PLIN5: variants seen among roughly 807,000 people sequenced by gnomAD.
PLIN5 encodes the protein perilipin-5.
Under a neutral mutation model 32.8 loss-of-function variants are expected in PLIN5, and 34 were observed. That is an observed-to-expected ratio of 1.04 (90% CI 0.79 to 1.38). PLIN5 has a LOEUF of 1.38. Among genes scored for constraint, PLIN5 ranks in the 40% most tolerant of loss-of-function variants. The pLI is 0.00. For synonymous variants in PLIN5, 309 were observed against 292.9 expected, an observed-to-expected ratio of 1.05 and a Z score of -0.56; for missense variants, 712 against 660.5, an observed-to-expected ratio of 1.08 and a Z score of -0.85.
At chr19:4,529,538 T>G (rs987106082) in intron 4 of PLIN5, 4 of 455,504 alleles carry the variant, frequency 8.8e-6, no homozygotes, top group South Asian at 3.4e-5. Flanking sequence ...ACATATATAC[T>G]TATACGTATA....
At chr19:4,530,216 T>C (rs980301605) in intron 3 of PLIN5, among the ~76,000 whole-genome samples, 3 of 152,104 alleles carry the variant, frequency 2.0e-5, no homozygotes, top group Non-Finnish European at 4.4e-5. Flanking sequence ...AGGGTGTGGG[T>C]AGGCCGCTGG....
chr19:4,533,999 G>A lies in PLIN5; in HGVS notation c.60+16C>T, dbSNP rs546459466. ...AATACCTTCTGTCCCTGCTCCATGG[G>A]AGGGGCAGCCCTCACCTGCTGGTCC... On this transcript the variant is annotated intron_variant, in intron 2 of 7. Transcript: ENST00000381848. 5.3e-5 allele frequency: 86 copies of A among 1,610,788 alleles called. 1 individual carries two copies. The South Asian group carries it at 9.4e-4, about 18-fold the overall frequency.
In PLIN5 at chr19:4,523,872, G is replaced by T; in HGVS notation, c.1048C>A (p.Arg350Ser). ...PAAALAEGRG[R>S]VAHAHACVDE... ...ACGCAGGCGTGCGCGTGGGCCACGC[G>T]ACCCCGGCCCTCGGCCAGCGCGGCC... The change falls in exon 8 of 8, where the codon CGC (arginine) becomes AGC (serine). Residue 350 changes from arginine to serine, a missense_variant. By Grantham distance (110) the Arg-to-Ser change is moderately radical. Transcript: ENST00000381848. The surrounding 1 kb of genome is among the most constrained non-coding windows in gnomAD (Gnocchi z 5.0). 1 of 1,524,178 alleles carries T rather than the reference G, an allele frequency of 6.6e-7. No individual in the cohort carries two copies. Among genetic ancestry groups the T allele is most frequent in the South Asian group, 1.2e-5 (1 of 80,598 alleles). 94.4% of individuals were successfully genotyped at this position (1,524,178 alleles called of 1,614,324 possible). A position where few individuals can be genotyped will look rare whatever the true frequency, so the allele number is the denominator to read the frequency against.
rs1976847195 is a variant in PLIN5 at position 4,529,221 on chromosome 19, G to A, written c.372C>T (p.Ser124=). The A allele has an allele frequency of 6.2e-7, 1 of 1,610,900 alleles. No homozygotes were observed. Among genetic ancestry groups the A allele is most frequent in the Non-Finnish European group, 8.5e-7 (1 of 1,178,764 alleles). ...CCAGGTCCACCACACCCGTGACACT[G>A]CTGGCCACCACGTCCTTGGCTGAGG... is the stretch of plus-strand genomic sequence containing the variant. ...VVTSAKDVVA[S]SVTGVVDLAR... The change falls in exon 5 of 8, where the codon AGC becomes AGT. Residue 124 remains serine, a synonymous_variant. Coordinates refer to ENST00000381848, the MANE Select transcript of PLIN5 (RefSeq NM_001013706.3).
At chr19:4,533,635 G>GGTCT in intron 2 of PLIN5, 1 of 410,868 alleles carries the variant, frequency 2.4e-6, no homozygotes, top group Admixed American at 4.0e-5. Flanking sequence ...TGTTCAAGGA[G>GGTCT]CCAATATACA....
intron 7 of PLIN5, among the ~76,000 whole-genome samples, 189 bp downstream of exon 7, chr19:4,524,774 C>T (rs894201713): frequency 6.6e-6 from 1 of 151,440 alleles, no homozygotes; most frequent in Non-Finnish European, 1.5e-5. Flanking sequence ...AAATAAAACA[C>T]ACAATGGGAC....
chr19:4,531,796 C>A lies in PLIN5; in HGVS notation c.87G>T (p.Leu29=), dbSNP rs769399556. The A allele has an allele frequency of 6.3e-7, 1 of 1,577,524 alleles. No individual in the cohort carries two copies. Among genetic ancestry groups the A allele is most frequent in the Non-Finnish European group, 8.6e-7 (1 of 1,162,278 alleles). ...CGGTGCACGTGGCCCTGACCAGGGG[C>A]AGAGCCACCACACGCTGCACCACGT... ...QQNVVQRVVA[L]PLVRATCTAV... The change falls in exon 3 of 8, where the codon CTG becomes CTT. Residue 29 remains leucine, a synonymous_variant. Transcript: ENST00000381848.
intron 1 of PLIN5, among the ~76,000 whole-genome samples, chr19:4,534,834 G>A (rs1319988302): frequency 6.6e-6 from 1 of 152,208 alleles, no homozygotes; most frequent in Non-Finnish European, 1.5e-5. Context: ...TCCACTCACA[G>A]CTCATTTGAC....
intron 2 of PLIN5, chr19:4,533,779 T>A: frequency 1.7e-6 from 1 of 576,052 alleles, no homozygotes; most frequent in Non-Finnish European, 3.1e-6. Context: ...AGGGAAAGGG[T>A]TGGGTAGGGG....
Position 4,525,118 on chromosome 19 carries a change from G to T in PLIN5, c.721-42C>A. On this transcript the variant is annotated intron_variant, in intron 6 of 7. Transcript: ENST00000381848. The surrounding 1 kb of genome is among the most constrained non-coding windows in gnomAD (Gnocchi z 5.6). ...GGTGGTCTTCAGAGCTGGGGGAGCT[G>T]GGGGAGCTGGGGGTCGGGGTGGGGT... 1 of 1,132,248 alleles carries T rather than the reference G, an allele frequency of 8.8e-7. No homozygotes were observed. The highest frequency in any genetic ancestry group is 1.2e-6 in the Non-Finnish European group (1 of 839,120). 70.1% of individuals were successfully genotyped at this position (1,132,248 alleles called of 1,614,324 possible).
Position 4,529,245 on chromosome 19 carries a change from G to A in PLIN5, c.348C>T (p.Thr116=). ...FLQQPSETVV[T]SAKDVVASSV... ...TGCTGGCCACCACGTCCTTGGCTGA[G>A]GTCACCACCTGGAAGGAAGGGCCCC... The change falls in exon 5 of 8, where the codon ACC becomes ACT. Residue 116 remains threonine (T), a synonymous_variant. Transcript: ENST00000381848. 2 of 1,596,580 alleles carry A rather than the reference G, an allele frequency of 1.3e-6. No homozygotes were observed. The highest frequency in any genetic ancestry group is 1.1e-5 in the South Asian group (1 of 90,086).
chr19:4,531,925 G>A (rs1449128009), intron 2 of PLIN5, 103 bp from the exon 3 acceptor site: 4 of 1,245,538 alleles, frequency 3.2e-6, no homozygotes, highest in East Asian at 2.7e-5. Context: ...ATGGGAGAGT[G>A]GAAGGATGGA....
intron 3 of PLIN5, among the ~76,000 whole-genome samples, chr19:4,530,453 T>A (rs1223599294): frequency 6.6e-6 from 1 of 152,074 alleles, no homozygotes; most frequent in African/African-American, 2.4e-5. Context: ...CCCCCGCCTG[T>A]CATCGGCTCA....
intron 2 of PLIN5, among the ~76,000 whole-genome samples, chr19:4,532,159 C>G (rs1489535661): frequency 6.6e-6 from 1 of 152,036 alleles, no homozygotes; most frequent in Non-Finnish European, 1.5e-5. Flanking sequence ...CTCAGCCTCC[C>G]AAGTAGCTGG....
At position 4,523,412 on chromosome 19, in the gene PLIN5, CCT is replaced by C. The variant is rs2145320052; in HGVS notation, c.*114_*115del. On this transcript the variant is annotated 3_prime_UTR_variant, in exon 8 of 8. Coordinates refer to ENST00000381848, the MANE Select transcript of PLIN5 (RefSeq NM_001013706.3). The surrounding 1 kb of genome is among the most constrained non-coding windows in gnomAD (Gnocchi z 5.0). The stretch of plus-strand genomic sequence containing the variant: ...AGGTGGTCAGAGATCCGGAGTTGGG[CCT>C]GATTCCAAAGAAGGGTCAAGGCCAA... 8.2e-7 allele frequency: 1 copy of C among 1,226,868 alleles called. No homozygotes were observed. The highest frequency in any genetic ancestry group is 2.7e-5 in the East Asian group (1 of 36,874). The allele number at this position is 1,226,868 out of a possible 1,614,324, so 76.0% of individuals were successfully genotyped here. A position where few individuals can be genotyped will look rare whatever the true frequency, so the allele number is the denominator to read the frequency against.
intron 4 of PLIN5, chr19:4,529,580 A>ATATACTTATACGTATATATACATC (rs1976855452): frequency 1.9e-6 from 1 of 528,784 alleles, no homozygotes; most frequent in African/African-American, 1.9e-5. Flanking sequence ...ATATATACAT[A>ATATACTTATACGTATATATACATC]TATACACTAT....
Position 4,531,658 on chromosome 19 carries a change from G to A in PLIN5, c.225C>T (p.Ala75=). Residue 75 remains alanine (A), a synonymous_variant, in exon 3 of 8, where the codon GCC becomes GCT. Coordinates refer to ENST00000381848, the MANE Select transcript of PLIN5 (RefSeq NM_001013706.3). ...GCTGCAGGTGCTCGAGCAGCGGCTG[G>A]GCGTGGTCCAGGGCACGGGTGGTCA... The part of the protein sequence containing the change: ...CGLTTRALDH[A]QPLLEHLQPQ... 2.0e-6 allele frequency: 3 copies of A among 1,536,566 alleles called. No individual in the cohort carries two copies. The highest frequency in any genetic ancestry group is 2.6e-6 in the Non-Finnish European group (3 of 1,144,600).
chr19:4,533,786 G>A (rs1285702030), intron 2 of PLIN5: 1 of 587,144 alleles, frequency 1.7e-6, no homozygotes, highest in Admixed American at 3.0e-5. Flanking sequence ...GGGTTGGGTA[G>A]GGGCCACAGA....
chr19:4,531,722 C>A lies in PLIN5; in HGVS notation c.161G>T (p.Gly54Val), dbSNP rs761389712. 6.3e-7 allele frequency: 1 copy of A among 1,591,230 alleles called. No homozygotes were observed. Among genetic ancestry groups the A allele is most frequent in the Non-Finnish European group, 8.5e-7 (1 of 1,172,342 alleles). The change falls in exon 3 of 8, where the codon GGC becomes GTC. Residue 54 changes from glycine (G) to valine (V), a missense_variant. Transcript: ENST00000381848. ...SAAKDRHPLL[G>V]SACRLAENCV... ...GTTCTCAGCCAGGCGGCAGGCGGAGCCCAGCAGCGGGTGCCTGTCCTTGGC... is the reference window on the plus strand; with the variant it reads ...GTTCTCAGCCAGGCGGCAGGCGGAGACCAGCAGCGGGTGCCTGTCCTTGGC...
Sources: gnomAD v4.1 joint callset for allele counts (sites outside exome capture counted in the v4.1 genomes callset) on GRCh38, gnomAD v4.1.1 for gene constraint, Gnocchi (gnomAD v3.1) non-coding constraint, MANE v1.5 for transcripts, NCBI Gene and HGNC (gene_info 2026-07-23, HGNC 2026-07-21) for gene names.